GNA12: variants seen among roughly 807,000 people sequenced by gnomAD.
The protein encoded by GNA12 is G protein subunit alpha 12, also known as guanine nucleotide-binding protein subunit alpha-12.
GNA12 carries 9 observed loss-of-function variants against 26.0 expected under a neutral mutation model. That is an observed-to-expected ratio of 0.35 (90% CI 0.21 to 0.60). GNA12 has a LOEUF of 0.60. Among genes scored for constraint, GNA12 ranks in the 20% least tolerant of loss-of-function variants. GNA12 has a pLI of 0.78. For synonymous variants in GNA12, 264 were observed against 219.6 expected (o/e 1.20, Z -1.79); for missense variants, 405 against 525.8 (o/e 0.77, Z 2.25).
At chr7:2,838,485 G>T (rs1020574116) in intron 1 of GNA12, among the ~76,000 whole-genome samples, 6 of 152,178 alleles carry the variant, frequency 3.9e-5, no homozygotes, top group Admixed American at 2.6e-4. Context: ...TAGGGAGGCT[G>T]AGGTGGGAGG....
intron 2 of GNA12, among the ~76,000 whole-genome samples, chr7:2,792,972 A>G (rs903535800): frequency 6.6e-6 from 1 of 152,210 alleles, no homozygotes; most frequent in African/African-American, 2.4e-5. Context: ...GCCTCAACCA[A>G]GCAACCCAGG....
intron 1 of GNA12, among the ~76,000 whole-genome samples, chr7:2,825,376 A>G (rs1793460553): frequency 2.6e-5 from 4 of 152,258 alleles, no homozygotes; most frequent in Admixed American, 2.6e-4. Context: ...GAGAGCTGAC[A>G]GAAGCAGGAG....
At chr7:2,819,272 A>C (rs2644297) in intron 1 of GNA12, among the ~76,000 whole-genome samples, 64,241 of 151,930 alleles carry the variant, frequency 0.42, 13,845 homozygotes, top group Admixed American at 0.48. Context: ...ACCTGAATGA[A>C]CTTGGATGCC....
chr7:2,835,549 C>G (rs1778813582), intron 1 of GNA12: 2 of 483,946 alleles, frequency 4.1e-6, no homozygotes, highest in African/African-American at 2.0e-5. Flanking sequence ...CCAGGGAATT[C>G]TGGGCCGACA....
chr7:2,820,836 T>C (rs1793332976), intron 1 of GNA12, among the ~76,000 whole-genome samples: 1 of 152,268 alleles, frequency 6.6e-6, no homozygotes, highest in Non-Finnish European at 1.5e-5. Flanking sequence ...GCTCCTGGAC[T>C]CAAGCCATCC....
At chr7:2,746,183 A>G (rs1027353233) in intron 2 of GNA12, among the ~76,000 whole-genome samples, 2 of 152,226 alleles carry the variant, frequency 1.3e-5, no homozygotes, top group African/African-American at 4.8e-5. Flanking sequence ...ATAGACATCT[A>G]CGGAACTCTC....
At chr7:2,807,857 G>C (rs1792986032) in intron 1 of GNA12, among the ~76,000 whole-genome samples, 1 of 152,156 alleles carries the variant, frequency 6.6e-6, no homozygotes, top group Non-Finnish European at 1.5e-5. Flanking sequence ...TCAAATTAAG[G>C]GGCCAACCTT....
chr7:2,763,074 A>G (rs1333946424), intron 2 of GNA12: 3 of 1,247,572 alleles, frequency 2.4e-6, no homozygotes, highest in East Asian at 6.3e-5. Flanking sequence ...GGGGCTCCCT[A>G]CCAGCCTTGA....
At chr7:2,738,584 C>T (rs1347328137) in intron 2 of GNA12, among the ~76,000 whole-genome samples, 3 of 152,022 alleles carry the variant, frequency 2.0e-5, no homozygotes, top group South Asian at 2.1e-4. Context: ...GAAAAGGAAA[C>T]GTGGATACAC....
Position 2,731,235 on chromosome 7 carries a change from A to G in GNA12, c.1092T>C (p.His364=). The change falls in exon 4 of 4, where the codon CAT becomes CAC. Residue 364 remains histidine (H), a synonymous_variant. Transcript: ENST00000275364. The surrounding 1 kb of genome is among the most constrained non-coding windows in gnomAD (Gnocchi z 6.0). ...CCTGCAGGATGGTGTCTTTCACAGCATGGAACACGAAGCGGACGTTCTCGG... is the reference window on the plus strand; with the variant it reads ...CCTGCAGGATGGTGTCTTTCACAGCGTGGAACACGAAGCGGACGTTCTCGG... ...IDTENVRFVF[H]AVKDTILQEN... 1 of 1,613,062 alleles carries G rather than the reference A, an allele frequency of 6.2e-7. No homozygotes were observed. The highest frequency in any genetic ancestry group is 8.5e-7 in the Non-Finnish European group (1 of 1,179,754).
At chr7:2,835,456 A>T (rs1042672858) in intron 1 of GNA12, among the ~76,000 whole-genome samples, 1 of 152,360 alleles carries the variant, frequency 6.6e-6, no homozygotes, top group African/African-American at 2.4e-5. Flanking sequence ...CTTCCAGGTG[A>T]CATTTCCTCC....
intron 2 of GNA12, among the ~76,000 whole-genome samples, chr7:2,743,653 C>G (rs910850662): frequency 6.6e-6 from 1 of 152,120 alleles, no homozygotes; most frequent in Admixed American, 6.6e-5. Context: ...ACTGAGGTAC[C>G]GGGTTCATCT....
At chr7:2,758,907 G>C (rs1346100379) in intron 2 of GNA12, among the ~76,000 whole-genome samples, 1 of 152,168 alleles carries the variant, frequency 6.6e-6, no homozygotes, top group Non-Finnish European at 1.5e-5. Flanking sequence ...CGCTCTGGGA[G>C]GCCGAGGTGG....
intron 1 of GNA12, among the ~76,000 whole-genome samples, chr7:2,816,571 C>A (rs1199777824): frequency 2.0e-5 from 3 of 152,148 alleles, no homozygotes; most frequent in African/African-American, 7.2e-5. Context: ...AAAATAATGC[C>A]ATTTCCATAA....
At chr7:2,777,579 A>G (rs1403257985) in intron 2 of GNA12, among the ~76,000 whole-genome samples, 2 of 152,150 alleles carry the variant, frequency 1.3e-5, no homozygotes, top group Non-Finnish European at 2.9e-5. Flanking sequence ...GTGCCCTTAT[A>G]AGAAGACGGA....
chr7:2,743,459 T>A (rs569456410), intron 2 of GNA12, among the ~76,000 whole-genome samples: 42 of 152,314 alleles, frequency 2.8e-4, no homozygotes, highest in African/African-American at 9.1e-4. Context: ...TGGGATGGCT[T>A]GACACAGACT....
chr7:2,842,836 C>G (rs1779038197), intron 1 of GNA12, among the ~76,000 whole-genome samples: 1 of 152,212 alleles, frequency 6.6e-6, no homozygotes, highest in Non-Finnish European at 1.5e-5. Flanking sequence ...CATATACATC[C>G]TAAAACGTTT....
chr7:2,768,691 A>AAAAAAAAAAAAAAAC (rs1562418608), intron 2 of GNA12, among the ~76,000 whole-genome samples: 1 of 142,586 alleles, frequency 7.0e-6, no homozygotes, highest in Non-Finnish European at 1.5e-5. Flanking sequence ...ACAAAACAAA[A>AAAAAAAAAAAAAAAC]AAAAAAACAG....
chr7:2,807,374 C>T (rs1562438949), intron 1 of GNA12, among the ~76,000 whole-genome samples: 2 of 152,158 alleles, frequency 1.3e-5, no homozygotes, highest in African/African-American at 4.8e-5. Context: ...TTTCTAGTCT[C>T]TTGTTTCCAG....
Sources: gnomAD v4.1 joint callset for allele counts (sites outside exome capture counted in the v4.1 genomes callset) on GRCh38, gnomAD v4.1.1 for gene constraint, Gnocchi (gnomAD v3.1) non-coding constraint, MANE v1.5 for transcripts, NCBI Gene and HGNC (gene_info 2026-07-23, HGNC 2026-07-21) for gene names.